PIGN: variants seen among roughly 807,000 people sequenced by gnomAD.
PIGN encodes GPI ethanolamine phosphate transferase 1.
A neutral mutation model predicts 125.4 loss-of-function variants in PIGN; 117 were observed. That is an observed-to-expected ratio of 0.93 (90% CI 0.80 to 1.09). The LOEUF is 1.09. Among genes scored for constraint, PIGN ranks in the 50% least tolerant of loss-of-function variants. The probability of loss-of-function intolerance (pLI) is 0.00; values close to 1 mark genes in which losing one functional copy is unlikely to be tolerated. For missense variants in PIGN, 1,075 were observed against 1,094.9 expected, an observed-to-expected ratio of 0.98 and a Z score of 0.26; for synonymous variants, 392 against 377.8, an observed-to-expected ratio of 1.04 and a Z score of -0.44.
intron 30 of PIGN, among the ~76,000 whole-genome samples, chr18:62,050,691 C>T (rs377156020): frequency 2.0e-5 from 3 of 152,068 alleles, no homozygotes; most frequent in Admixed American, 6.6e-5. Flanking sequence ...ATACCCTTTA[C>T]TTCCTTCTCC....
At chr18:62,119,878 AAAG>A (rs2035233553) in intron 14 of PIGN, among the ~76,000 whole-genome samples, 1 of 151,966 alleles carries the variant, frequency 6.6e-6, no homozygotes, top group Non-Finnish European at 1.5e-5. Context: ...GAAAAAGAAA[AAAG>A]AAAAGAAAAT....
intron 30 of PIGN, among the ~76,000 whole-genome samples, chr18:62,061,278 A>G (rs2032105776): frequency 6.6e-6 from 1 of 152,128 alleles, no homozygotes; most frequent in Non-Finnish European, 1.5e-5. Context: ...AAATCTCTCA[A>G]AAGTGTTCTG....
chr18:62,096,516 CTTTTTTTTT>C lies in PIGN; in HGVS notation c.2078-575_2078-567del, dbSNP rs398033140. ...TATTAACTCAAAAATGAATTATTTT[CTTTTTTTTT>C]TTTTTTTTTTTTTTTTTTATTATAC... On this transcript the variant is annotated intron_variant, in intron 22 of 30. Coordinates refer to ENST00000640252, the MANE Select transcript of PIGN (RefSeq NM_176787.5). Among the ~76,000 whole-genome samples the C allele has an allele frequency of 4.7e-5, 4 of 85,650 alleles. No individual in the cohort carries two copies. The Admixed American group carries it at 6.0e-4, about 13-fold the overall frequency. 56.2% of individuals were successfully genotyped at this position (85,650 alleles called of 152,430 possible).
chr18:62,162,225 AT>A (rs1401304442), intron 3 of PIGN, 27 bp downstream of exon 3: 1 of 152,204 alleles, frequency 6.6e-6, no homozygotes, highest in African/African-American at 2.4e-5. Context: ...AATATGAAAC[AT>A]TTAAATAAAA....
At chr18:62,178,216 C>T (rs774281311) in intron 1 of PIGN, among the ~76,000 whole-genome samples, 3 of 152,028 alleles carry the variant, frequency 2.0e-5, no homozygotes, top group African/African-American at 7.2e-5. Flanking sequence ...GGATGGTAAT[C>T]CAGTGGATTA....
chr18:62,183,466 C>T (rs1406215102), intron 1 of PIGN, among the ~76,000 whole-genome samples: 1 of 152,156 alleles, frequency 6.6e-6, no homozygotes, highest in African/African-American at 2.4e-5. Flanking sequence ...AGGCTCAATT[C>T]CTCTCTGCAG....
At chr18:62,049,012 T>C (rs1290421400) in intron 30 of PIGN, among the ~76,000 whole-genome samples, 1 of 152,100 alleles carries the variant, frequency 6.6e-6, no homozygotes, top group Non-Finnish European at 1.5e-5. Flanking sequence ...TTCATCCATG[T>C]CCCTACAAAG....
intron 11 of PIGN, among the ~76,000 whole-genome samples, chr18:62,142,420 A>C (rs1198657957): frequency 1.3e-5 from 2 of 150,960 alleles, no homozygotes; most frequent in Non-Finnish European, 3.0e-5. Flanking sequence ...TGTGATCTTC[A>C]AGTCATTCCC....
intron 28 of PIGN, among the ~76,000 whole-genome samples, chr18:62,076,729 C>T (rs1455429941): frequency 6.6e-6 from 1 of 152,158 alleles, no homozygotes; most frequent in African/African-American, 2.4e-5. Context: ...GAAATAAAGA[C>T]ATGTAACTCA....
intron 1 of PIGN, among the ~76,000 whole-genome samples, chr18:62,184,009 T>C (rs6567261): frequency 0.4 from 60,594 of 151,962 alleles, 12,673 homozygotes; most frequent in East Asian, 0.73. Context: ...AATCACAATT[T>C]ATTCAGATTT....
chr18:62,068,761 G>A (rs143000848), intron 30 of PIGN, among the ~76,000 whole-genome samples: 139 of 152,216 alleles, frequency 9.1e-4, no homozygotes, highest in Non-Finnish European at 1.7e-3. Flanking sequence ...ACTTCTTTCA[G>A]CCTTGTTTCC....
At chr18:62,101,926 C>T (rs1261036440) in intron 21 of PIGN, among the ~76,000 whole-genome samples, 1 of 152,052 alleles carries the variant, frequency 6.6e-6, no homozygotes, top group African/African-American at 2.4e-5. Context: ...ATTATCTCTA[C>T]AGATTAAAAA....
chr18:62,130,107 G>A (rs966483962), intron 14 of PIGN, among the ~76,000 whole-genome samples: 1 of 152,118 alleles, frequency 6.6e-6, no homozygotes, highest in Non-Finnish European at 1.5e-5. Context: ...TAGAGGCAAG[G>A]GAAGATTCTA....
rs926625293 is a variant in PIGN, at chr18:62,043,571, T to C, written c.*2285A>G. 6 of 152,196 alleles carry C rather than the reference T, an allele frequency of 3.9e-5. No individual in the cohort carries two copies. Among genetic ancestry groups the C allele is most frequent in the African/African-American group, 1.4e-4 (6 of 41,454 alleles). 9.4% of individuals were successfully genotyped at this position (152,196 alleles called of 1,614,324 possible). A position where few individuals can be genotyped will look rare whatever the true frequency, so the allele number is the denominator to read the frequency against. ...TAATAAATAATTATAAAGACATTAC[T>C]ATGAAAATATACAATCATTTATAAC... On this transcript the variant is annotated 3_prime_UTR_variant, in exon 31 of 31. Coordinates refer to ENST00000640252, the MANE Select transcript of PIGN (RefSeq NM_176787.5).
At chr18:62,051,587 T>A (rs1045545787) in intron 30 of PIGN, among the ~76,000 whole-genome samples, 1 of 152,202 alleles carries the variant, frequency 6.6e-6, no homozygotes, top group African/African-American at 2.4e-5. Context: ...TTGATTCTTC[T>A]CTCTTTTCTT....
chr18:62,135,146 T>C (rs528487455), intron 14 of PIGN, among the ~76,000 whole-genome samples: 1 of 152,232 alleles, frequency 6.6e-6, no homozygotes, highest in Middle Eastern at 3.2e-3. Flanking sequence ...AAGTTATTTT[T>C]AATGCATCTA....
chr18:62,048,844 C>A, intron 30 of PIGN, among the ~76,000 whole-genome samples: 1 of 126,508 alleles, frequency 7.9e-6, no homozygotes, highest in Non-Finnish European at 1.7e-5. Context: ...TAATGCTATC[C>A]CTCCCCCCTC....
intron 14 of PIGN, chr18:62,118,511 T>C (rs2035173637): frequency 6.6e-6 from 1 of 152,214 alleles, no homozygotes; most frequent in African/African-American, 2.4e-5. Context: ...CTACCATTGT[T>C]ATTCTTGGCA....
At chr18:62,112,015 AT>A (rs1289004614) in intron 16 of PIGN, among the ~76,000 whole-genome samples, 4 of 152,180 alleles carry the variant, frequency 2.6e-5, no homozygotes, top group African/African-American at 9.6e-5. Context: ...ACTGCTCTGG[AT>A]TAAAGTCTCA....
Sources: allele counts gnomAD v4.1 joint callset (sites outside exome capture counted in the v4.1 genomes callset), GRCh38; gene constraint gnomAD v4.1.1; transcripts MANE v1.5; gene names NCBI Gene and HGNC (gene_info 2026-07-23, HGNC 2026-07-21).